The following MLIP variants were observed in gnomAD, a reference collection of about 807,000 sequenced individuals.
MLIP encodes muscular LMNA-interacting protein.
MLIP carries 79 observed loss-of-function variants against 84.8 expected under a neutral mutation model. The observed-to-expected ratio is 0.93, with a 90% CI of 0.78 to 1.12. The LOEUF (loss-of-function observed/expected upper bound fraction) is 1.12. Among genes scored for constraint, MLIP ranks in the 50% most tolerant of loss-of-function variants. The pLI is 0.00. For missense variants in MLIP, 1,257 were observed against 1,160.6 expected, an observed-to-expected ratio of 1.08 and a Z score of -1.21; for synonymous variants, 504 against 463.0, an observed-to-expected ratio of 1.09 and a Z score of -1.14.
At chr6:54,042,421 T>C (rs1405114362) in intron 1 of MLIP, among the ~76,000 whole-genome samples, 2 of 152,126 alleles carry the variant, frequency 1.3e-5, no homozygotes, top group African/African-American at 4.8e-5. Context: ...TTTTAATAGA[T>C]ATATTTACAG....
intron 4 of MLIP, among the ~76,000 whole-genome samples, chr6:54,147,530 A>C (rs1404933858): frequency 1.3e-5 from 2 of 152,112 alleles, no homozygotes; most frequent in African/African-American, 2.4e-5. Context: ...AGGTTCCTTA[A>C]GAGTTAAGAG....
chr6:54,219,846 C>T (rs1780106759), intron 11 of MLIP, among the ~76,000 whole-genome samples: 1 of 152,130 alleles, frequency 6.6e-6, no homozygotes, highest in Non-Finnish European at 1.5e-5. Flanking sequence ...CTCAGTTGGC[C>T]ATTCCTTAAG....
Position 54,137,143 on chromosome 6 carries a change from G to T in MLIP, c.1074G>T (p.Ser358=). The part of the protein sequence containing the change: ...SPPSSSASLK[S]NSASYIPVRI... Reference sequence around the variant, plus strand: ...CGTCCTCCAGTGCTTCTCTGAAGTCGAATTCGGCCTCGTACATACCAGTCC... The same window carrying T: ...CGTCCTCCAGTGCTTCTCTGAAGTCTAATTCGGCCTCGTACATACCAGTCC... Residue 358 remains serine (S), a synonymous_variant, in exon 4 of 14, where the codon TCG becomes TCT. Coordinates refer to ENST00000502396, the MANE Select transcript of MLIP (RefSeq NM_001281747.2). 1 of 1,536,034 alleles carries T rather than the reference G, an allele frequency of 6.5e-7. No individual in the cohort carries two copies. The highest frequency in any genetic ancestry group is 1.2e-5 in the South Asian group (1 of 84,056).
At chr6:54,261,835 C>A in intron 13 of MLIP, 2 of 657,774 alleles carry the variant, frequency 3.0e-6, no homozygotes, top group African/African-American at 2.0e-5. Context: ...GGCAATTTTC[C>A]AAAACATTAT....
chr6:54,160,074 G>C (rs1215328808), intron 5 of MLIP, among the ~76,000 whole-genome samples: 1 of 151,922 alleles, frequency 6.6e-6, no homozygotes, highest in East Asian at 1.9e-4. Context: ...CAAGCAATGG[G>C]GAAAGAGTTC....
intron 11 of MLIP, among the ~76,000 whole-genome samples, chr6:54,209,901 C>T (rs1357506679): frequency 7.0e-6 from 1 of 142,958 alleles, no homozygotes; most frequent in Admixed American, 7.0e-5. Flanking sequence ...TTTTTTCTTT[C>T]TTTTTTTTTT....
chr6:54,052,658 G>T (rs1353331196), intron 1 of MLIP, among the ~76,000 whole-genome samples: 1 of 152,122 alleles, frequency 6.6e-6, no homozygotes, highest in Non-Finnish European at 1.5e-5. Context: ...ACACATTCAA[G>T]AATGCTCTTC....
chr6:54,192,417 A>T (rs1778006421), intron 10 of MLIP, among the ~76,000 whole-genome samples: 1 of 152,050 alleles, frequency 6.6e-6, no homozygotes, highest in African/African-American at 2.4e-5. Context: ...AAATAGTGGA[A>T]AATGATTGTA....
Position 54,251,470 on chromosome 6 carries a change from G to A in MLIP, c.2923-5838G>A, listed in dbSNP as rs553570602. On this transcript the variant is annotated intron_variant, in intron 12 of 13. Coordinates refer to ENST00000502396, the MANE Select transcript of MLIP (RefSeq NM_001281747.2). Reference sequence around the variant, plus strand: ...TATATATATATATATATATATATCTGTCTCTCCATATGAGACAGATAATAA... The same window carrying A: ...TATATATATATATATATATATATCTATCTCTCCATATGAGACAGATAATAA... Among the ~76,000 whole-genome samples the A allele has an allele frequency of 1.7e-3, 185 of 108,060 alleles. 25 individuals are homozygous for A. Among genetic ancestry groups the A allele is most frequent in the African/African-American group, 7.6e-3 (141 of 18,630 alleles). 70.9% of individuals were successfully genotyped at this position (108,060 alleles called of 152,430 possible).
intron 12 of MLIP, among the ~76,000 whole-genome samples, chr6:54,252,311 T>A (rs1358063150): frequency 8.5e-6 from 1 of 118,200 alleles, no homozygotes; most frequent in African/African-American, 3.6e-5. Context: ...ATATATAATA[T>A]AACTATAATA....
intron 1 of MLIP, among the ~76,000 whole-genome samples, chr6:54,115,426 T>C (rs1431726454): frequency 1.3e-5 from 2 of 152,030 alleles, no homozygotes; most frequent in Non-Finnish European, 1.5e-5. Context: ...AGTTAAAAAA[T>C]GTTAGAGTTG....
At chr6:54,106,570 C>G (rs185502131), upstream of MLIP, among the ~76,000 whole-genome samples, 129 of 152,216 alleles carry the variant, frequency 8.5e-4, 1 homozygote, top group African/African-American at 2.9e-3. Flanking sequence ...TTTGAAGGGA[C>G]AGCCAATAGG....
intron 3 of MLIP, among the ~76,000 whole-genome samples, chr6:54,129,982 A>G: frequency 6.6e-6 from 1 of 152,032 alleles, no homozygotes; most frequent in Non-Finnish European, 1.5e-5. Flanking sequence ...TTTTTAAATA[A>G]CTTTTCTCCA....
intron 1 of MLIP, among the ~76,000 whole-genome samples, chr6:54,099,188 A>G (rs1410001593): frequency 6.6e-6 from 1 of 152,170 alleles, no homozygotes; most frequent in Non-Finnish European, 1.5e-5. Context: ...TTTGACAGGA[A>G]ATATTATTAT....
intron 12 of MLIP, among the ~76,000 whole-genome samples, chr6:54,237,960 T>C (rs987982045): frequency 1.3e-5 from 2 of 152,184 alleles, no homozygotes. Context: ...AGAAGAAAGA[T>C]GTGTCTGTGT....
chr6:54,121,632 C>A, intron 2 of MLIP, 30 bp downstream of exon 2: 1 of 1,470,284 alleles, frequency 6.8e-7, no homozygotes, highest in Non-Finnish European at 9.2e-7. Flanking sequence ...TTTTTAATTT[C>A]AAACAATTAT....
intron 11 of MLIP, chr6:54,216,822 A>C: frequency 1.0e-6 from 1 of 985,400 alleles, no homozygotes; most frequent in Non-Finnish European, 1.2e-6. Flanking sequence ...GCTTTATCTT[A>C]GTGAAATGTA....
intron 1 of MLIP, chr6:54,083,539 C>G: frequency 6.5e-7 from 1 of 1,535,918 alleles, no homozygotes; most frequent in Non-Finnish European, 8.7e-7. Flanking sequence ...GTTACAACCA[C>G]TGCTTTCTTG....
intron 1 of MLIP, among the ~76,000 whole-genome samples, chr6:54,094,137 G>A (rs1481484002): frequency 6.6e-6 from 1 of 151,962 alleles, no homozygotes; most frequent in Non-Finnish European, 1.5e-5. Context: ...ATTAATAACA[G>A]CAATAATAAT....
Sources: gnomAD v4.1 joint callset for allele counts (sites outside exome capture counted in the v4.1 genomes callset) on GRCh38, gnomAD v4.1.1 for gene constraint, MANE v1.5 for transcripts, NCBI Gene and HGNC (gene_info 2026-07-23, HGNC 2026-07-21) for gene names.